TRAPPC10: variants seen among roughly 807,000 people sequenced by gnomAD.
TRAPPC10 encodes the protein trafficking protein particle complex subunit 10, also known as TRAPP 130 kDa subunit.
Under a neutral mutation model 125.5 loss-of-function variants are expected in TRAPPC10, and 23 were observed. The observed-to-expected ratio is 0.18, with a 90% CI of 0.13 to 0.26. TRAPPC10 has a LOEUF of 0.26. TRAPPC10 is among the 10% of genes least tolerant of loss of function. The pLI, the probability that TRAPPC10 is intolerant of heterozygous loss-of-function variation, is 1.00. For synonymous variants in TRAPPC10, 509 were observed against 518.0 expected (o/e 0.98, Z 0.24); for missense variants, 1,123 against 1,308.4 (o/e 0.86, Z 2.19).
chr21:44,028,808 A>G (rs1480359290), intron 1 of TRAPPC10, among the ~76,000 whole-genome samples: 1 of 152,200 alleles, frequency 6.6e-6, no homozygotes, highest in Non-Finnish European at 1.5e-5. Context: ...TGGGCACATC[A>G]GTCTCAAGCC....
chr21:44,017,806 G>C (rs915918332), intron 1 of TRAPPC10, among the ~76,000 whole-genome samples: 16 of 151,694 alleles, frequency 1.1e-4, no homozygotes, highest in African/African-American at 2.9e-4. Context: ...GTTTTGCGAC[G>C]ATAATGATGT....
At position 44,059,064 on chromosome 21, in the gene TRAPPC10, T is replaced by A; in HGVS notation, c.679-39T>A. 1 of 1,493,444 alleles carries A rather than the reference T, an allele frequency of 6.7e-7. No homozygotes were observed. The highest frequency in any genetic ancestry group is 9.1e-7 in the Non-Finnish European group (1 of 1,097,862). 92.5% of individuals were successfully genotyped at this position (1,493,444 alleles called of 1,614,324 possible). ...ACTGTTTCTTCTATACATTGATTTATGTTTTTGTTTTTTTAAAAAACGTAT... is the reference window on the plus strand; with the variant it reads ...ACTGTTTCTTCTATACATTGATTTAAGTTTTTGTTTTTTTAAAAAACGTAT... On this transcript the variant is annotated intron_variant, in intron 5 of 22. Coordinates refer to ENST00000291574, the MANE Select transcript of TRAPPC10 (RefSeq NM_003274.5). The surrounding 1 kb of genome is among the most constrained non-coding windows in gnomAD (Gnocchi z 4.4).
At chr21:44,070,511 C>T (rs1165642328) in intron 7 of TRAPPC10, among the ~76,000 whole-genome samples, 2 of 152,170 alleles carry the variant, frequency 1.3e-5, no homozygotes, top group African/African-American at 4.8e-5. Context: ...AGAGCGGAGG[C>T]TTGGTCTTTG....
rs1180081431 is a variant in TRAPPC10, at chr21:44,042,570, G to A, written c.285+4643G>A. On this transcript the variant is annotated intron_variant, in intron 3 of 22. Transcript: ENST00000291574. The stretch of plus-strand genomic sequence containing the variant: ...GACCTAATAAATGATCAGTTTTTTT[G>A]GACATTTCATGTGTGTTTGAGAATG... Among the ~76,000 whole-genome samples, 3 of 152,038 alleles carry A rather than the reference G, an allele frequency of 2.0e-5. No individual in the cohort carries two copies. The East Asian group carries it at 5.8e-4, about 29-fold the overall frequency.
rs889351122 is a variant in TRAPPC10 at position 44,046,960 on chromosome 21, G to A, written c.286-5320G>A. The stretch of plus-strand genomic sequence containing the variant: ...GGTGTCGATGAATATGGCCCACTGG[G>A]AACTGCAAGCCGGCTCTGCGAGCGG... On this transcript the variant is annotated intron_variant, in intron 3 of 22. Transcript: ENST00000291574. 3.6e-5 allele frequency: 30 copies of A among 839,908 alleles called. No homozygotes were observed. The African/African-American group carries it at 3.9e-4, about 11-fold the overall frequency. 52.0% of individuals were successfully genotyped at this position (839,908 alleles called of 1,614,324 possible).
chr21:44,022,024 T>G (rs1429318092), intron 1 of TRAPPC10, among the ~76,000 whole-genome samples: 1 of 149,804 alleles, frequency 6.7e-6, no homozygotes, highest in South Asian at 2.1e-4. Flanking sequence ...ATGGCATTTT[T>G]TTTTCTTTTT....
At chr21:44,084,356 G>GC in intron 15 of TRAPPC10, 93 bp downstream of exon 15, 1 of 1,309,998 alleles carries the variant, frequency 7.6e-7, no homozygotes, top group Non-Finnish European at 1.0e-6. Context: ...AGTTTTAGCT[G>GC]TGTCTGCCTT....
chr21:44,086,488 C>G (rs570281375), intron 15 of TRAPPC10, among the ~76,000 whole-genome samples: 10 of 152,342 alleles, frequency 6.6e-5, no homozygotes, highest in African/African-American at 2.4e-4. Context: ...TACTAATGGG[C>G]AGGCAAATTT....
intron 5 of TRAPPC10, among the ~76,000 whole-genome samples, chr21:44,057,278 G>A (rs1465574427): frequency 6.6e-6 from 1 of 151,990 alleles, no homozygotes; most frequent in Non-Finnish European, 1.5e-5. Context: ...TAACACTACT[G>A]AGCTGTAGTC....
chr21:44,072,439 A>G (rs985924679), intron 7 of TRAPPC10, among the ~76,000 whole-genome samples: 3 of 151,904 alleles, frequency 2.0e-5, no homozygotes, highest in Non-Finnish European at 2.9e-5. Flanking sequence ...CTGCTTTGTA[A>G]GAGTCTCTCG....
chr21:44,060,499 C>CT lies in TRAPPC10; in HGVS notation c.790+1286dup, dbSNP rs1454928829. Among the ~76,000 whole-genome samples the CT allele has an allele frequency of 7.2e-5, 11 of 152,236 alleles. No homozygotes were observed. The East Asian group carries it at 2.1e-3, about 29-fold the overall frequency. Reference sequence around the variant, plus strand: ...TTTTCACCATGTTAGCCAGGATGGTCTCGATCTCCTGACCTCGTGATCCGC... The same window carrying CT: ...TTTTCACCATGTTAGCCAGGATGGTCTTCGATCTCCTGACCTCGTGATCCGC... On this transcript the variant is annotated intron_variant, in intron 6 of 22. Transcript: ENST00000291574.
chr21:44,057,677 T>C (rs1000353672), intron 5 of TRAPPC10, among the ~76,000 whole-genome samples: 1 of 152,208 alleles, frequency 6.6e-6, no homozygotes, highest in Admixed American at 6.5e-5. Context: ...TTTATTAGAG[T>C]GCTGAGTCTT....
intron 15 of TRAPPC10, among the ~76,000 whole-genome samples, chr21:44,086,515 G>A (rs182256607): frequency 6.6e-6 from 1 of 152,300 alleles, no homozygotes; most frequent in East Asian, 1.9e-4. Context: ...CCTCAGAGAC[G>A]TAGTCATGAT....
At position 44,082,093 on chromosome 21, in the gene TRAPPC10, G is replaced by C. The variant is rs183514266; in HGVS notation, c.1724-695G>C. On this transcript the variant is annotated intron_variant, in intron 13 of 22. Coordinates refer to ENST00000291574, the MANE Select transcript of TRAPPC10 (RefSeq NM_003274.5). This position sits in a 1 kb window ranked among gnomAD's most constrained non-coding sequence, Gnocchi z 4.4. ...ATAAAATATTCCACAATCGTTTACT[G>C]TTTCTCATGATCTATGGCATCAGTC... is the stretch of plus-strand genomic sequence containing the variant. Among the ~76,000 whole-genome samples the C allele has an allele frequency of 6.6e-6, 1 of 152,204 alleles. No individual in the cohort carries two copies. The highest frequency in any genetic ancestry group is 6.5e-5 in the Admixed American group (1 of 15,276).
At chr21:44,024,966 C>T (rs1016921382) in intron 1 of TRAPPC10, among the ~76,000 whole-genome samples, 11 of 152,210 alleles carry the variant, frequency 7.2e-5, no homozygotes, top group Non-Finnish European at 1.6e-4. Flanking sequence ...CCTCACTTTC[C>T]CCCGGACTCC....
chr21:44,085,599 C>T (rs941862331), intron 15 of TRAPPC10, among the ~76,000 whole-genome samples: 1 of 152,014 alleles, frequency 6.6e-6, no homozygotes, highest in Non-Finnish European at 1.5e-5. Flanking sequence ...GCTGGAGCCC[C>T]AGCTGAGGCT....
In TRAPPC10 at chr21:44,079,569, A is replaced by G; in HGVS notation, c.1475A>G (p.Lys492Arg). ...GKDLAEFYMRKKAPQKAEIYL... is the reference protein window; with the variant it reads ...GKDLAEFYMRRKAPQKAEIYL... The stretch of plus-strand genomic sequence containing the variant: ...CTGTTTGTTGACTTTGCAAGGAGGA[A>G]AAAGGCTCCACAAAAGGCAGAAATC... The change falls in exon 12 of 23, where the codon AAA becomes AGA. Residue 492 changes from lysine (K) to arginine (R), a missense_variant. Physicochemically the swap from Lys to Arg is conservative, Grantham distance 26. Around this residue, in one of 4 missense-constraint regions of TRAPPC10, gnomAD observed 840 missense variants for 902.0 expected, o/e 0.93. Transcript: ENST00000291574. The G allele has an allele frequency of 6.3e-7, 1 of 1,593,868 alleles. No individual in the cohort carries two copies. The highest frequency in any genetic ancestry group is 1.1e-5 in the South Asian group (1 of 87,012).
At chr21:44,054,467 A>G (rs969124972) in intron 4 of TRAPPC10, among the ~76,000 whole-genome samples, 4 of 152,368 alleles carry the variant, frequency 2.6e-5, no homozygotes, top group Admixed American at 1.3e-4. Flanking sequence ...TGGTAATTCA[A>G]GTAAAATATT....
intron 1 of TRAPPC10, among the ~76,000 whole-genome samples, chr21:44,020,468 G>A (rs963945184): frequency 6.7e-6 from 1 of 149,914 alleles, no homozygotes; most frequent in Non-Finnish European, 1.5e-5. Flanking sequence ...AGTTTGAAGC[G>A]ATTGTATACA....
Sources: allele counts gnomAD v4.1 joint callset (sites outside exome capture counted in the v4.1 genomes callset), GRCh38; gene constraint gnomAD v4.1.1; regional missense constraint gnomAD v4.1.1; non-coding constraint Gnocchi (gnomAD v3.1); transcripts MANE v1.5; gene names NCBI Gene and HGNC (gene_info 2026-07-23, HGNC 2026-07-21).